The following UBASH3B variants were observed in gnomAD, a reference collection of about 807,000 sequenced individuals.
UBASH3B encodes ubiquitin-associated and SH3 domain-containing protein B.
In UBASH3B, 37 loss-of-function variants were observed where a neutral mutation model predicts 83.4. The ratio of observed to expected loss-of-function variants is 0.44; its 90% CI spans 0.34 to 0.58. The LOEUF is 0.58. Ranked by LOEUF, UBASH3B falls within the 20% of genes least tolerant of loss-of-function variation. UBASH3B has a pLI of 0.01. For missense variants in UBASH3B, 657 were observed against 827.2 expected (o/e 0.79, Z 2.52); for synonymous variants, 304 against 318.3 (o/e 0.96, Z 0.48).
chr11:122,691,432 G>A (rs79977198), intron 1 of UBASH3B, among the ~76,000 whole-genome samples: 1,609 of 152,274 alleles, frequency 0.011, 27 homozygotes, highest in African/African-American at 0.035. Flanking sequence ...GCCTTTGTTA[G>A]CTCAGATGCT....
At chr11:122,777,357 TG>T (rs1328291955) in intron 3 of UBASH3B, 147 bp downstream of exon 3, 4 of 905,288 alleles carry the variant, frequency 4.4e-6, no homozygotes, top group Non-Finnish European at 6.4e-6. Flanking sequence ...AAGGGATCAG[TG>T]AGGTCCACAA....
chr11:122,714,413 C>T (rs955020225), intron 1 of UBASH3B, among the ~76,000 whole-genome samples: 11 of 152,218 alleles, frequency 7.2e-5, no homozygotes, highest in Non-Finnish European at 1.3e-4. Flanking sequence ...TTCTCAAAAT[C>T]TCATATTTAG....
chr11:122,779,194 T>A (rs1860801402), intron 3 of UBASH3B, among the ~76,000 whole-genome samples: 1 of 152,228 alleles, frequency 6.6e-6, no homozygotes, highest in Non-Finnish European at 1.5e-5. Flanking sequence ...CCAATCTCGC[T>A]CCCCTTTCTT....
At chr11:122,779,727 C>T (rs1404754145) in intron 4 of UBASH3B, 32 bp downstream of exon 4, 7 of 1,611,820 alleles carry the variant, frequency 4.3e-6, no homozygotes, top group Middle Eastern at 1.7e-4. Context: ...CAGCCCTGGG[C>T]CCTGTCAATC....
intron 1 of UBASH3B, among the ~76,000 whole-genome samples, chr11:122,741,304 C>T (rs1401785416): frequency 2.0e-5 from 3 of 152,202 alleles, no homozygotes; most frequent in African/African-American, 7.2e-5. Flanking sequence ...TCAATTGGAT[C>T]TTAAATGAGA....
intron 1 of UBASH3B, among the ~76,000 whole-genome samples, chr11:122,685,737 C>T (rs1405851736): frequency 6.6e-6 from 1 of 152,168 alleles, no homozygotes; most frequent in Non-Finnish European, 1.5e-5. Flanking sequence ...CCAAGCTGGT[C>T]TCGAACTCCT....
At chr11:122,668,785 C>A (rs1396961378) in intron 1 of UBASH3B, among the ~76,000 whole-genome samples, 2 of 152,130 alleles carry the variant, frequency 1.3e-5, no homozygotes, top group Non-Finnish European at 2.9e-5. Flanking sequence ...TTATTTGTTA[C>A]CAACAATTGG....
At chr11:122,670,689 G>T (rs925480924) in intron 1 of UBASH3B, among the ~76,000 whole-genome samples, 3 of 152,030 alleles carry the variant, frequency 2.0e-5, no homozygotes, top group African/African-American at 7.2e-5. Flanking sequence ...TAAGTCTTCT[G>T]GTAAGAGTGT....
chr11:122,704,602 C>T (rs1864091640), intron 1 of UBASH3B, among the ~76,000 whole-genome samples: 1 of 151,862 alleles, frequency 6.6e-6, no homozygotes, highest in African/African-American at 2.4e-5. Context: ...CTTTGCCTCC[C>T]AGGTTCAAGC....
intron 1 of UBASH3B, among the ~76,000 whole-genome samples, chr11:122,748,730 T>G (rs1160045666): frequency 6.6e-6 from 1 of 152,152 alleles, no homozygotes; most frequent in Non-Finnish European, 1.5e-5. Flanking sequence ...TGAGGCTAAA[T>G]GCAAGGCCTG....
chr11:122,736,003 T>C (rs1319638535), intron 1 of UBASH3B, among the ~76,000 whole-genome samples: 1 of 152,096 alleles, frequency 6.6e-6, no homozygotes, highest in African/African-American at 2.4e-5. Context: ...GTGGATGGTG[T>C]ATAAAATGGG....
At chr11:122,663,143 A>G (rs926617594) in intron 1 of UBASH3B, among the ~76,000 whole-genome samples, 7 of 152,012 alleles carry the variant, frequency 4.6e-5, no homozygotes, top group South Asian at 2.1e-4. Flanking sequence ...TGCCCAGCTA[A>G]TTTTTTGTAT....
At chr11:122,724,610 T>C (rs770866932) in intron 1 of UBASH3B, among the ~76,000 whole-genome samples, 17 of 121,470 alleles carry the variant, frequency 1.4e-4, no homozygotes, top group Non-Finnish European at 3.1e-4. Context: ...GGGCCAGGCC[T>C]GAACTGGCTT....
rs1861372001 is a variant in UBASH3B, at chr11:122,808,061, C to T, written c.1703-6C>T. The T allele has an allele frequency of 6.2e-7, 1 of 1,611,368 alleles. No individual in the cohort carries two copies. The highest frequency in any genetic ancestry group is 8.5e-7 in the Non-Finnish European group (1 of 1,177,512). On this transcript the variant is annotated splice_region_variant and splice_polypyrimidine_tract_variant and intron_variant, in intron 12 of 13. Transcript: ENST00000284273. Reference sequence around the variant, plus strand: ...AGTCTTCCCATACCTTGCCATTTTCCCCCAGGAAATAACATCCTGATTGTG... The same window carrying T: ...AGTCTTCCCATACCTTGCCATTTTCTCCCAGGAAATAACATCCTGATTGTG...
intron 1 of UBASH3B, among the ~76,000 whole-genome samples, chr11:122,696,758 C>A (rs1355486955): frequency 2.0e-5 from 3 of 152,202 alleles, no homozygotes; most frequent in Non-Finnish European, 1.5e-5. Flanking sequence ...GCTAATGGCC[C>A]CTGCCTTCCC....
At chr11:122,771,171 A>G (rs928892388) in intron 1 of UBASH3B, among the ~76,000 whole-genome samples, 4 of 150,452 alleles carry the variant, frequency 2.7e-5, no homozygotes, top group Admixed American at 6.6e-5. Flanking sequence ...TGCTGGTGCC[A>G]TTCTCTCTAC....
At chr11:122,690,224 A>C (rs1205581478) in intron 1 of UBASH3B, among the ~76,000 whole-genome samples, 8 of 133,516 alleles carry the variant, frequency 6.0e-5, no homozygotes, top group African/African-American at 2.2e-4. Flanking sequence ...TTATATATAT[A>C]TATATCCAAT....
rs185360366 is a variant in UBASH3B, at chr11:122,806,176, T to A, written c.1596-234T>A. 2.3e-4 allele frequency among the ~76,000 whole-genome samples: 35 copies of A among 152,318 alleles called. No homozygotes were observed. The East Asian group carries it at 6.2e-3, about 27-fold the overall frequency. Reference sequence around the variant, plus strand: ...TGAAACATGCACTGAATGTCTCATTTTTCACCTGGTCACTGTAACGCCATA... The same window carrying A: ...TGAAACATGCACTGAATGTCTCATTATTCACCTGGTCACTGTAACGCCATA... On this transcript the variant is annotated intron_variant, in intron 11 of 13. Transcript: ENST00000284273. The surrounding 1 kb of genome is among the most constrained non-coding windows in gnomAD (Gnocchi z 4.0).
chr11:122,767,982 T>G (rs1206372769), intron 1 of UBASH3B, among the ~76,000 whole-genome samples: 9 of 152,164 alleles, frequency 5.9e-5, no homozygotes, highest in Admixed American at 5.9e-4. Flanking sequence ...AATAAATGAC[T>G]CTTGACTTGT....
Sources: allele counts gnomAD v4.1 joint callset (sites outside exome capture counted in the v4.1 genomes callset), GRCh38; gene constraint gnomAD v4.1.1; non-coding constraint Gnocchi (gnomAD v3.1); transcripts MANE v1.5; gene names NCBI Gene and HGNC (gene_info 2026-07-23, HGNC 2026-07-21).